The following TJP3 variants were observed in gnomAD, a reference collection of about 807,000 sequenced individuals.
The protein encoded by TJP3 is tight junction protein 3.
TJP3 carries 85 observed loss-of-function variants against 104.2 expected under a neutral mutation model. The ratio of observed to expected loss-of-function variants is 0.82; its 90% CI spans 0.68 to 0.98. The LOEUF (loss-of-function observed/expected upper bound fraction) is 0.98, where lower values mean the gene tolerates loss of function less well. Ranked by LOEUF, TJP3 falls within the 50% of genes least tolerant of loss-of-function variation. The probability of loss-of-function intolerance (pLI) is 0.00; values close to 1 mark genes in which losing one functional copy is unlikely to be tolerated. For missense variants in TJP3, 1,367 were observed against 1,322.8 expected, an observed-to-expected ratio of 1.03 and a Z score of -0.52; for synonymous variants, 550 against 550.6, an observed-to-expected ratio of 1.00 and a Z score of 0.02.
chr19:3,738,793 A>G, intron 12 of TJP3, 104 bp from the exon 13 acceptor site: 1 of 1,326,914 alleles, frequency 7.5e-7, no homozygotes, highest in Non-Finnish European at 1.1e-6. Flanking sequence ...CCTGGCCCCT[A>G]CAGGGAGAGT....
At chr19:3,721,997 AC>A in intron 1 of TJP3, 1 of 719,644 alleles carries the variant, frequency 1.4e-6, no homozygotes, top group Non-Finnish European at 1.9e-6. Flanking sequence ...CGGACCCAGG[AC>A]CCCAGAACGC....
chr19:3,748,962 G>T (rs1295103244), intron 19 of TJP3, among the ~76,000 whole-genome samples: 1 of 144,192 alleles, frequency 6.9e-6, no homozygotes, highest in East Asian at 2.1e-4. Flanking sequence ...GTGTTCAAGC[G>T]TTTCTCCTCC....
intron 1 of TJP3, chr19:3,721,860 G>A (rs2036545341): frequency 1.2e-5 from 15 of 1,212,870 alleles, no homozygotes; most frequent in Non-Finnish European, 1.4e-5. Flanking sequence ...GGACCCCCTC[G>A]GGTAGGGGGG....
intron 19 of TJP3, chr19:3,749,577 C>G (rs1049728480): frequency 6.5e-6 from 1 of 152,838 alleles, no homozygotes; most frequent in African/African-American, 2.4e-5. Context: ...AACTCCTGGG[C>G]TCAAGTGATC....
intron 13 of TJP3, among the ~76,000 whole-genome samples, chr19:3,740,314 A>G (rs2145696178): frequency 6.6e-6 from 1 of 152,266 alleles, no homozygotes; most frequent in Admixed American, 6.5e-5. Context: ...AAAGTGAGGC[A>G]GGAGAATCGC....
At chr19:3,737,916 G>C (rs494404) in intron 11 of TJP3, among the ~76,000 whole-genome samples, 45,529 of 151,794 alleles carry the variant, frequency 0.3, 7,488 homozygotes, top group Non-Finnish European at 0.38. Flanking sequence ...GGCTGTGTCT[G>C]TATATTGCTG....
chr19:3,721,641 G>A (rs2036542722), intron 1 of TJP3: 1 of 316,974 alleles, frequency 3.2e-6, no homozygotes, highest in Non-Finnish European at 5.7e-6. Context: ...CTCCTGTGAT[G>A]GGAGGTGGGG....
intron 1 of TJP3, among the ~76,000 whole-genome samples, chr19:3,719,691 G>C (rs549927175): frequency 1.3e-4 from 19 of 147,300 alleles, no homozygotes; most frequent in African/African-American, 4.6e-4. Context: ...AGCCGAGATC[G>C]TGCCTGCAGT....
chr19:3,750,542 C>T, intron 20 of TJP3, 40 bp from the exon 21 acceptor site: 2 of 1,515,254 alleles, frequency 1.3e-6, no homozygotes, highest in Non-Finnish European at 1.8e-6. Flanking sequence ...AGCTCACACC[C>T]TTCCCACCCA....
chr19:3,738,920 C>T lies in TJP3; in HGVS notation c.1417C>T (p.Arg473Cys), dbSNP rs1336101289. 6.2e-6 allele frequency: 10 copies of T among 1,607,634 alleles called. No homozygotes were observed. The highest frequency in any genetic ancestry group is 3.3e-4 in the Middle Eastern group (2 of 6,064). Residue 473 changes from arginine (R) to cysteine (C), a missense_variant, in exon 13 of 21, where the codon CGC (arginine) becomes TGC (cysteine). Coordinates refer to ENST00000541714, the MANE Select transcript of TJP3 (RefSeq NM_001267560.2). ...AGTTTTCTGGAAAATGGTGCAGTCC[C>T]GCGTGGGTGACTCCTTCTACATCCG... Reference protein sequence around the residue: ...QDIFWKMVQSRVGDSFYIRTH... With the variant: ...QDIFWKMVQSCVGDSFYIRTH...
At position 3,746,900 on chromosome 19, in the gene TJP3, C is replaced by A; in HGVS notation, c.2322+24C>A. 4.2e-6 allele frequency: 3 copies of A among 707,202 alleles called. No individual in the cohort carries two copies. Among genetic ancestry groups the A allele is most frequent in the East Asian group, 4.7e-5 (1 of 21,264 alleles). 43.8% of individuals were successfully genotyped at this position (707,202 alleles called of 1,614,324 possible). A position where few individuals can be genotyped will look rare whatever the true frequency, so the allele number is the denominator to read the frequency against. ...AGGTACTGCCGCGGTGTGGGTGGGTCGGGCAGGGAGGCCCCACAGACGCTG... is the reference window on the plus strand; with the variant it reads ...AGGTACTGCCGCGGTGTGGGTGGGTAGGGCAGGGAGGCCCCACAGACGCTG... On this transcript the variant is annotated intron_variant, in intron 18 of 20. Coordinates refer to ENST00000541714, the MANE Select transcript of TJP3 (RefSeq NM_001267560.2). The surrounding 1 kb of genome is among the most constrained non-coding windows in gnomAD (Gnocchi z 4.1).
intron 1 of TJP3, among the ~76,000 whole-genome samples, chr19:3,717,751 T>G (rs575764397): frequency 2.6e-5 from 4 of 151,738 alleles, no homozygotes; most frequent in Admixed American, 6.6e-5. Flanking sequence ...TTTTTAAAAA[T>G]TTTTGTGGAT....
chr19:3,716,806 T>A lies in TJP3; in HGVS notation c.-10+8245T>A, dbSNP rs1438243681. Among the ~76,000 whole-genome samples the A allele has an allele frequency of 1.8e-3, 233 of 131,490 alleles. 2 individuals are homozygous for A. The highest frequency in any genetic ancestry group is 7.6e-3 in the Middle Eastern group (2 of 262). The allele number at this position is 131,490 out of a possible 152,430, so 86.3% of individuals were successfully genotyped here. On this transcript the variant is annotated intron_variant, in intron 1 of 20. Transcript: ENST00000541714. ...ATATATATATATATATATATATTTT[T>A]TTTTTTTTTTTGAAACAGAGTCTCA... is the stretch of plus-strand genomic sequence containing the variant.
intron 1 of TJP3, among the ~76,000 whole-genome samples, chr19:3,724,350 C>A (rs1599147686): frequency 6.6e-6 from 1 of 152,144 alleles, no homozygotes; most frequent in Non-Finnish European, 1.5e-5. Flanking sequence ...CGCCGGCCAC[C>A]ACGCCCTGCT....
In TJP3 at chr19:3,746,424, TTCTC is replaced by T. The variant is rs1046644636; in HGVS notation, c.2011-55_2011-52del. 4.2e-5 allele frequency: 66 copies of T among 1,560,218 alleles called. No homozygotes were observed. The East Asian group carries it at 6.1e-4, about 14-fold the overall frequency. On this transcript the variant is annotated intron_variant, in intron 16 of 20. Transcript: ENST00000541714. The surrounding 1 kb of genome is among the most constrained non-coding windows in gnomAD (Gnocchi z 4.1). ...CCTCAGACTCTTCATCTTTCTATCT[TTCTC>T]TCTCTGTTTACCCTGCTGCAATCCC...
chr19:3,720,592 G>A (rs2036532031), intron 1 of TJP3, among the ~76,000 whole-genome samples: 1 of 151,972 alleles, frequency 6.6e-6, no homozygotes, highest in African/African-American at 2.4e-5. Context: ...TAACCTTGGG[G>A]TGGGGCCCAG....
At chr19:3,733,022 CTT>C (rs1444327804) in intron 6 of TJP3, among the ~76,000 whole-genome samples, 1 of 130,752 alleles carries the variant, frequency 7.6e-6, no homozygotes, top group East Asian at 2.3e-4. Context: ...TTTCTTTTCT[CTT>C]CTCTTTTTTC....
chr19:3,740,705 C>T lies in TJP3; in HGVS notation c.1785C>T (p.Leu595=), dbSNP rs146385150. The T allele has an allele frequency of 6.2e-5, 100 of 1,605,258 alleles. No homozygotes were observed. The African/African-American group carries it at 1.3e-3, about 21-fold the overall frequency. ...CCACTCAGCGGAGCCGTGAGGACCTCTCAGCTCTGACCCGACAGGGCCGCT... is the reference window on the plus strand; with the variant it reads ...CCACTCAGCGGAGCCGTGAGGACCTTTCAGCTCTGACCCGACAGGGCCGCT... The part of the protein sequence containing the change: ...KKTTQRSRED[L]SALTRQGRYP... Residue 595 remains leucine, a synonymous_variant, in exon 14 of 21, where the codon CTC becomes CTT. Transcript: ENST00000541714.
intron 1 of TJP3, among the ~76,000 whole-genome samples, chr19:3,722,490 G>A (rs2036550924): frequency 2.0e-5 from 3 of 150,888 alleles, no homozygotes; most frequent in African/African-American, 7.3e-5. Context: ...CATTTATTGG[G>A]TGCCTACTGT....
Sources: gnomAD v4.1 joint callset for allele counts (sites outside exome capture counted in the v4.1 genomes callset) on GRCh38, gnomAD v4.1.1 for gene constraint, Gnocchi (gnomAD v3.1) non-coding constraint, MANE v1.5 for transcripts, NCBI Gene and HGNC (gene_info 2026-07-23, HGNC 2026-07-21) for gene names.